The following LETM1 variants were observed in gnomAD, a reference collection of about 807,000 sequenced individuals.
The protein encoded by LETM1 is mitochondrial proton/calcium exchanger protein.
Under a neutral mutation model 74.5 loss-of-function variants are expected in LETM1, and 50 were observed. The ratio of observed to expected loss-of-function variants is 0.67; its 90% confidence interval spans 0.53 to 0.85. The LOEUF is 0.85. Ranked by LOEUF, LETM1 falls within the 40% of genes least tolerant of loss-of-function variation. The pLI, the probability that LETM1 is intolerant of heterozygous loss-of-function variation, is 0.00. For synonymous variants in LETM1, 446 were observed against 407.1 expected (o/e 1.10, Z -1.15); for missense variants, 824 against 967.8 (o/e 0.85, Z 1.97).
chr4:1,835,669 C>T (rs1019797801), intron 4 of LETM1, among the ~76,000 whole-genome samples: 1 of 152,170 alleles, frequency 6.6e-6, no homozygotes, highest in Non-Finnish European at 1.5e-5. Flanking sequence ...CTGCTGAGAA[C>T]AGGCAGGGTC....
At chr4:1,832,014 T>A (rs1712288411) in intron 6 of LETM1, among the ~76,000 whole-genome samples, 2 of 151,948 alleles carry the variant, frequency 1.3e-5, no homozygotes, top group African/African-American at 4.8e-5. Context: ...AATAAAAGAG[T>A]AACCAGCCGG....
intron 3 of LETM1, among the ~76,000 whole-genome samples, chr4:1,837,866 C>G (rs1229468573): frequency 6.6e-6 from 1 of 151,832 alleles, no homozygotes; most frequent in East Asian, 1.9e-4. Flanking sequence ...CCACGCCTAG[C>G]TAATTTTTTT....
intron 11 of LETM1, among the ~76,000 whole-genome samples, chr4:1,818,249 T>A (rs1354816453): frequency 6.6e-6 from 1 of 152,172 alleles, no homozygotes; most frequent in Admixed American, 6.5e-5. Flanking sequence ...AATCTAGAAA[T>A]GGCCAATTAT....
At chr4:1,830,486 A>T (rs1712227013) in intron 6 of LETM1, among the ~76,000 whole-genome samples, 1 of 152,080 alleles carries the variant, frequency 6.6e-6, no homozygotes, top group Non-Finnish European at 1.5e-5. Flanking sequence ...GCAAGTCATC[A>T]AGCCCAGCTA....
At chr4:1,852,680 C>T (rs1713107052) in intron 1 of LETM1, among the ~76,000 whole-genome samples, 1 of 152,140 alleles carries the variant, frequency 6.6e-6, no homozygotes, top group Non-Finnish European at 1.5e-5. Flanking sequence ...TTTGGGAGGC[C>T]AAGGCAGGTG....
chr4:1,823,916 G>T, intron 7 of LETM1, 141 bp from the exon 8 acceptor site: 3 of 992,878 alleles, frequency 3.0e-6, no homozygotes, highest in Non-Finnish European at 4.3e-6. Flanking sequence ...TTGCTGTGCT[G>T]CGTGACCCGA....
chr4:1,842,412 C>T (rs980357397), intron 2 of LETM1, among the ~76,000 whole-genome samples: 2 of 152,232 alleles, frequency 1.3e-5, no homozygotes, highest in Non-Finnish European at 2.9e-5. Context: ...CACCAGCAGG[C>T]TCCAAGCCCA....
At chr4:1,822,106 C>A in intron 10 of LETM1, 75 bp downstream of exon 10, 9 of 1,322,686 alleles carry the variant, frequency 6.8e-6, no homozygotes, top group Non-Finnish European at 8.8e-6. Context: ...CTGTCCCCAT[C>A]CCTGCCCCAC....
intron 3 of LETM1, among the ~76,000 whole-genome samples, chr4:1,840,215 A>G (rs1210892856): frequency 2.6e-5 from 4 of 152,170 alleles, no homozygotes; most frequent in African/African-American, 9.7e-5. Flanking sequence ...CCTCTCTACT[A>G]AAAATACAAA....
rs565390944 is a variant in LETM1 at position 1,848,697 on chromosome 4, C to A, written c.143+452G>T. Reference sequence around the variant, plus strand: ...TGCCACTGCACTCCAGTCTGGGTGACAGAGCAAGGCTCTGTCTCAAAAAAA... The same window carrying A: ...TGCCACTGCACTCCAGTCTGGGTGAAAGAGCAAGGCTCTGTCTCAAAAAAA... On this transcript the variant is annotated intron_variant, in intron 2 of 13. Transcript: ENST00000302787. Among the ~76,000 whole-genome samples, 104 of 110,624 alleles carry A rather than the reference C, an allele frequency of 9.4e-4. No individual in the cohort carries two copies. In the South Asian group the frequency reaches 0.014, roughly 15 times the overall value. 72.6% of individuals were successfully genotyped at this position (110,624 alleles called of 152,430 possible). A position where few individuals can be genotyped will look rare whatever the true frequency, so the allele number is the denominator to read the frequency against.
chr4:1,832,767 G>A lies in LETM1; in HGVS notation c.1057C>T (p.Arg353Cys), dbSNP rs771742149. 1 of 1,614,060 alleles carries A rather than the reference G, an allele frequency of 6.2e-7. No homozygotes were observed. Among genetic ancestry groups the A allele is most frequent in the East Asian group, 2.2e-5 (1 of 44,890 alleles). ...ACCTTGTCGTCTGCCTTTATGGAGCGCAGCCGCATGGTAAGCTGGAAGCGC... is the reference window on the plus strand; with the variant it reads ...ACCTTGTCGTCTGCCTTTATGGAGCACAGCCGCATGGTAAGCTGGAAGCGC... ...FLRFQLTMRL[R>C]SIKADDKLIA... Residue 353 changes from arginine (R) to cysteine (C), a missense_variant, in exon 6 of 14, where the codon CGC becomes TGC. Physicochemically the swap from Arg to Cys is radical, Grantham distance 180 (BLOSUM62 -3). Coordinates refer to ENST00000302787, the MANE Select transcript of LETM1 (RefSeq NM_012318.3).
intron 6 of LETM1, among the ~76,000 whole-genome samples, chr4:1,831,215 A>G (rs1712257140): frequency 6.6e-6 from 1 of 152,160 alleles, no homozygotes; most frequent in African/African-American, 2.4e-5. Context: ...TGACCTCTCC[A>G]TGTTGTCACT....
chr4:1,826,474 C>G (rs1465087261), intron 6 of LETM1, among the ~76,000 whole-genome samples: 1 of 152,252 alleles, frequency 6.6e-6, no homozygotes, highest in Admixed American at 6.5e-5. Flanking sequence ...ACATGCCACC[C>G]ACCCAGTCAA....
At chr4:1,846,243 T>C (rs1347645705) in intron 2 of LETM1, among the ~76,000 whole-genome samples, 2 of 152,034 alleles carry the variant, frequency 1.3e-5, no homozygotes, top group African/African-American at 2.4e-5. Flanking sequence ...ATGTTCAAAA[T>C]TGGGAACTTT....
chr4:1,822,812 G>A, intron 9 of LETM1, 176 bp downstream of exon 9: 1 of 502,528 alleles, frequency 2.0e-6, no homozygotes, highest in Non-Finnish European at 3.1e-6. Context: ...CCATGTCAGA[G>A]TTGCAGCCCT....
Position 1,841,549 on chromosome 4 carries a change from T to C in LETM1, c.392A>G (p.Asn131Ser), listed in dbSNP as rs549779322. ...EKSLKSLKDKNKKLEEGGPVY... is the reference protein window; with the variant it reads ...EKSLKSLKDKSKKLEEGGPVY... ...CGGGCCGCCTTCCTCCAGCTTCTTG[T>C]TCTTGTCCTTCAAGGACTTGAGGGA... The change falls in exon 3 of 14, where the codon AAC becomes AGC. Residue 131 changes from asparagine to serine, a missense_variant. By Grantham distance (46) the Asn-to-Ser change is conservative (BLOSUM62 1). Coordinates refer to ENST00000302787, the MANE Select transcript of LETM1 (RefSeq NM_012318.3). 3 of 1,614,234 alleles carry C rather than the reference T, an allele frequency of 1.9e-6. No homozygotes were observed. The Admixed American group carries it at 5.0e-5, about 27-fold the overall frequency.
chr4:1,823,978 C>A (rs1383256903), intron 7 of LETM1, among the ~76,000 whole-genome samples: 1 of 152,140 alleles, frequency 6.6e-6, no homozygotes, highest in Non-Finnish European at 1.5e-5. Context: ...CAGCAACCCC[C>A]ACAGCGAGGA....
At chr4:1,835,088 A>C in intron 4 of LETM1, 106 bp from the exon 5 acceptor site, 1 of 1,056,284 alleles carries the variant, frequency 9.5e-7, no homozygotes, top group Non-Finnish European at 1.4e-6. Flanking sequence ...AACATTTCAC[A>C]ACACACTGAC....
intron 13 of LETM1, among the ~76,000 whole-genome samples, chr4:1,814,894 C>T (rs1044453191): frequency 1.3e-5 from 2 of 152,172 alleles, no homozygotes; most frequent in African/African-American, 4.8e-5. Flanking sequence ...AGTGGGGTGA[C>T]ATGCAGGGAC....
Sources: gnomAD v4.1 joint callset for allele counts (sites outside exome capture counted in the v4.1 genomes callset) on GRCh38, gnomAD v4.1.1 for gene constraint, MANE v1.5 for transcripts, NCBI Gene and HGNC (gene_info 2026-07-23, HGNC 2026-07-21) for gene names.